Variants in THSD7B observed in about 807,000 individuals in gnomAD.
THSD7B encodes the protein thrombospondin type 1 domain containing 7B, also known as thrombospondin type-1 domain-containing protein 7B.
In THSD7B, 138 loss-of-function variants were observed where a neutral mutation model predicts 213.6. That is an observed-to-expected ratio of 0.65 (90% CI 0.56 to 0.74). The LOEUF (loss-of-function observed/expected upper bound fraction) is 0.74, where lower values mean the gene tolerates loss of function less well. Among genes scored for constraint, THSD7B ranks in the 30% least tolerant of loss-of-function variants. The pLI, the probability that THSD7B is intolerant of heterozygous loss-of-function variation, is 0.00. For synonymous variants in THSD7B, 742 were observed against 687.0 expected, an observed-to-expected ratio of 1.08 and a Z score of -1.25; for missense variants, 1,931 against 1,991.5, an observed-to-expected ratio of 0.97 and a Z score of 0.58.
intron 8 of THSD7B, among the ~76,000 whole-genome samples, chr2:137,231,679 G>A (rs761269849): frequency 4.6e-5 from 7 of 152,182 alleles, no homozygotes; most frequent in African/African-American, 7.2e-5. Context: ...TACCTGATCC[G>A]TGCATGCTGG....
intron 7 of THSD7B, among the ~76,000 whole-genome samples, chr2:137,227,624 T>C (rs1681539014): frequency 6.6e-6 from 1 of 152,178 alleles, no homozygotes; most frequent in South Asian, 2.1e-4. Flanking sequence ...AAGATAATTA[T>C]ACCAATGTAT....
chr2:137,559,344 T>A (rs1408797930), intron 15 of THSD7B, among the ~76,000 whole-genome samples: 2 of 152,188 alleles, frequency 1.3e-5, no homozygotes, highest in Non-Finnish European at 2.9e-5. Flanking sequence ...CAAAACAGCA[T>A]GGTACTGGTA....
In THSD7B at chr2:136,923,677, G is replaced by A. The variant is rs183699901; in HGVS notation, c.139+41360G>A. On this transcript the variant is annotated intron_variant, in intron 2 of 27. Transcript: ENST00000409968. ...ATGGGGGCGAGGTGTTATCTCTTTG[G>A]TTTTGGCTTGTGTGACTCTTATGAT... Among the ~76,000 whole-genome samples, 35 of 152,130 alleles carry A rather than the reference G, an allele frequency of 2.3e-4. No individual in the cohort carries two copies. The East Asian group carries it at 4.1e-3, about 18-fold the overall frequency.
At chr2:137,398,567 A>C (rs12622195) in intron 12 of THSD7B, among the ~76,000 whole-genome samples, 136,353 of 148,042 alleles carry the variant, frequency 0.92, 63,735 homozygotes, top group Non-Finnish European at 1. Context: ...CTCTCTTCAA[A>C]GCTGTCAGAC....
At chr2:136,918,694 G>A (rs1684384842) in intron 2 of THSD7B, among the ~76,000 whole-genome samples, 1 of 152,210 alleles carries the variant, frequency 6.6e-6, no homozygotes, top group African/African-American at 2.4e-5. Flanking sequence ...CTGAATTGGA[G>A]TTGCCAAGAC....
chr2:137,281,186 C>T (rs1301831424), intron 12 of THSD7B, among the ~76,000 whole-genome samples: 1 of 151,860 alleles, frequency 6.6e-6, no homozygotes, highest in East Asian at 1.9e-4. Context: ...TCTTTTTGTT[C>T]TTCTTTAATT....
chr2:137,267,492 C>A (rs1054607329), intron 10 of THSD7B, among the ~76,000 whole-genome samples: 1 of 151,830 alleles, frequency 6.6e-6, no homozygotes, highest in African/African-American at 2.4e-5. Flanking sequence ...GTGATGTAGA[C>A]TACCTCCCCC....
intron 17 of THSD7B, among the ~76,000 whole-genome samples, chr2:137,584,266 C>G (rs886434540): frequency 6.6e-6 from 1 of 152,190 alleles, no homozygotes; most frequent in African/African-American, 2.4e-5. Flanking sequence ...TCTAAATATA[C>G]AATCATGTCA....
In THSD7B at chr2:137,111,370, C is replaced by T. The variant is rs183914626; in HGVS notation, c.1200-3754C>T. On this transcript the variant is annotated intron_variant, in intron 4 of 27. Transcript: ENST00000409968. ...ATTCTGTACTACTTGATTGAGCTTT[C>T]TGGACTATCTGATTGAGTAAATGGG... Among the ~76,000 whole-genome samples the T allele has an allele frequency of 1.5e-3, 234 of 152,248 alleles. 1 individual carries two copies. Among genetic ancestry groups the T allele is most frequent in the Admixed American group, 0.012 (188 of 15,292 alleles).
intron 14 of THSD7B, among the ~76,000 whole-genome samples, chr2:137,422,307 T>C (rs1219865164): frequency 1.3e-5 from 2 of 152,230 alleles, no homozygotes; most frequent in Non-Finnish European, 2.9e-5. Flanking sequence ...CCTTTTACTT[T>C]TGTTTTGTTT....
intron 2 of THSD7B, 42 bp from the exon 3 acceptor site, chr2:137,056,378 G>A (rs1558902070): frequency 3.8e-6 from 6 of 1,560,434 alleles, no homozygotes; most frequent in Non-Finnish European, 5.2e-6. Context: ...ATTGCTGAAT[G>A]TAATCTCTGA....
At chr2:137,661,832 T>C (rs1435490362) in intron 25 of THSD7B, among the ~76,000 whole-genome samples, 1 of 152,110 alleles carries the variant, frequency 6.6e-6, no homozygotes, top group Non-Finnish European at 1.5e-5. Flanking sequence ...CCATCCACAG[T>C]GGCCTGCCAG....
chr2:137,611,755 A>C (rs1264981001), intron 17 of THSD7B, among the ~76,000 whole-genome samples: 2 of 152,176 alleles, frequency 1.3e-5, no homozygotes, highest in African/African-American at 2.4e-5. Flanking sequence ...ACTTTCTCAG[A>C]GGCAACTTAG....
At chr2:137,379,951 A>G (rs1030266784) in intron 12 of THSD7B, among the ~76,000 whole-genome samples, 2 of 152,184 alleles carry the variant, frequency 1.3e-5, no homozygotes, top group Admixed American at 1.3e-4. Context: ...TGCACAGGTA[A>G]ATTGGGAAGA....
At chr2:137,565,836 T>G (rs1681226713) in intron 16 of THSD7B, among the ~76,000 whole-genome samples, 2 of 152,160 alleles carry the variant, frequency 1.3e-5, no homozygotes, top group African/African-American at 4.8e-5. Flanking sequence ...TCTGATGACT[T>G]AATCTAATCC....
intron 6 of THSD7B, among the ~76,000 whole-genome samples, chr2:137,165,700 G>C (rs1221594493): frequency 6.6e-6 from 1 of 151,994 alleles, no homozygotes; most frequent in African/African-American, 2.4e-5. Context: ...AAAATGCAGT[G>C]ATTCCACTAG....
At chr2:137,579,271 T>G (rs1237662466) in intron 17 of THSD7B, among the ~76,000 whole-genome samples, 1 of 152,118 alleles carries the variant, frequency 6.6e-6, no homozygotes, top group Non-Finnish European at 1.5e-5. Context: ...AGGCTGACAT[T>G]CCCATGAGCA....
chr2:137,056,410 C>G lies in THSD7B; in HGVS notation c.140-10C>G. 1.9e-6 allele frequency: 3 copies of G among 1,592,126 alleles called. No homozygotes were observed. The highest frequency in any genetic ancestry group is 2.6e-6 in the Non-Finnish European group (3 of 1,167,354). ...CTGAGTAATTAACATCCTTGTTTTT[C>G]TGCCTGTAGGTCCGTGGGGAAGGTG... On this transcript the variant is annotated splice_polypyrimidine_tract_variant and intron_variant, in intron 2 of 27. Coordinates refer to ENST00000409968, the MANE Select transcript of THSD7B (RefSeq NM_001316349.2).
At chr2:137,637,225 A>C (rs1232773661) in intron 20 of THSD7B, among the ~76,000 whole-genome samples, 1 of 152,228 alleles carries the variant, frequency 6.6e-6, no homozygotes, top group East Asian at 1.9e-4. Context: ...AATATTGACC[A>C]CTAACCTGGA....
Sources: gnomAD v4.1 joint callset for allele counts (sites outside exome capture counted in the v4.1 genomes callset) on GRCh38, gnomAD v4.1.1 for gene constraint, MANE v1.5 for transcripts, NCBI Gene and HGNC (gene_info 2026-07-23, HGNC 2026-07-21) for gene names.